The following FRY variants were observed in gnomAD, a reference collection of about 807,000 sequenced individuals.
The protein encoded by FRY is FRY microtubule binding protein.
A neutral mutation model predicts 348.4 loss-of-function variants in FRY; 128 were observed. The ratio of observed to expected loss-of-function variants is 0.37; its 90% CI spans 0.32 to 0.43. FRY has a LOEUF of 0.43. Ranked by LOEUF, FRY falls within the 20% of genes least tolerant of loss-of-function variation. FRY has a pLI of 1.00. For synonymous variants in FRY, 1,370 were observed against 1,374.7 expected (o/e 1.00, Z 0.08); for missense variants, 2,736 against 3,695.2 (o/e 0.74, Z 6.73).
At chr13:32,262,528 A>G in intron 53 of FRY, 53 bp downstream of exon 53, 1 of 1,387,044 alleles carries the variant, frequency 7.2e-7, no homozygotes, top group Non-Finnish European at 1.0e-6. Context: ...CCCTTAAAAA[A>G]AAACACTTCC....
intron 1 of FRY, among the ~76,000 whole-genome samples, chr13:32,077,273 TATG>T (rs1448716690): frequency 6.6e-6 from 1 of 152,136 alleles, no homozygotes; most frequent in Non-Finnish European, 1.5e-5. Flanking sequence ...AGAAAAGTGT[TATG>T]ATTAAAGCCA....
chr13:32,261,794 A>G lies in FRY; in HGVS notation c.7595A>G (p.Gln2532Arg), dbSNP rs754099757. ...GAGGAGGAGGACCTCACAGCCAGCC[A>G]GATCCTGGAGCACTCAGACCTAGTA... Reference protein sequence around the residue: ...SSEEEDLTASQILEHSDLIMT... With the variant: ...SSEEEDLTASRILEHSDLIMT... Residue 2532 changes from glutamine to arginine, a missense_variant, in exon 52 of 61, where the codon CAG becomes CGG. Around this residue, in one of 9 missense-constraint regions of FRY, gnomAD observed 789 missense variants for 996.2 expected, o/e 0.79. Coordinates refer to ENST00000542859, the MANE Select transcript of FRY (RefSeq NM_023037.3). The G allele has an allele frequency of 1.9e-6, 3 of 1,614,092 alleles. No individual in the cohort carries two copies. In the African/African-American group the frequency reaches 4.0e-5, roughly 22 times the overall value.
intron 1 of FRY, among the ~76,000 whole-genome samples, chr13:32,053,454 C>A (rs1448079993): frequency 6.6e-6 from 1 of 152,184 alleles, no homozygotes; most frequent in Admixed American, 6.5e-5. Context: ...TATTAAAATG[C>A]TGCAGGACAA....
chr13:32,205,570 A>G (rs1884306505), intron 31 of FRY, among the ~76,000 whole-genome samples: 1 of 152,184 alleles, frequency 6.6e-6, no homozygotes, highest in Admixed American at 6.5e-5. Context: ...GGGCAGATGC[A>G]GAGGCCAAAA....
At chr13:32,198,227 G>T (rs911586735) in intron 29 of FRY, among the ~76,000 whole-genome samples, 2 of 152,118 alleles carry the variant, frequency 1.3e-5, no homozygotes, top group African/African-American at 4.8e-5. Context: ...GGGAGGCTTT[G>T]TCTGCCCCTT....
At chr13:32,241,762 T>C (rs1403754135) in intron 46 of FRY, among the ~76,000 whole-genome samples, 2 of 152,236 alleles carry the variant, frequency 1.3e-5, no homozygotes, top group Non-Finnish European at 2.9e-5. Context: ...TTTTATGTTA[T>C]GTGTTTTTTA....
In FRY at chr13:32,201,835, AT is replaced by A. The variant is rs1359618647; in HGVS notation, c.3747-105del. The stretch of plus-strand genomic sequence containing the variant: ...CCAGACGGGGGTAAGAATGTCACTA[AT>A]AAGTGACCGAGGTCAGCATGCCAGC... On this transcript the variant is annotated intron_variant, in intron 29 of 60. Coordinates refer to ENST00000542859, the MANE Select transcript of FRY (RefSeq NM_023037.3). 6.6e-6 allele frequency: 5 copies of A among 758,134 alleles called. No homozygotes were observed. In the African/African-American group the frequency reaches 8.6e-5, roughly 13 times the overall value. 47.0% of individuals were successfully genotyped at this position (758,134 alleles called of 1,614,324 possible). A position where few individuals can be genotyped will look rare whatever the true frequency, so the allele number is the denominator to read the frequency against.
intron 23 of FRY, among the ~76,000 whole-genome samples, chr13:32,182,645 T>A (rs1186851784): frequency 3.3e-5 from 5 of 152,246 alleles, no homozygotes; most frequent in African/African-American, 1.2e-4. Context: ...ATTGTTTGTT[T>A]AATTGTTCAC....
At chr13:32,087,511 C>G (rs965042977) in intron 2 of FRY, among the ~76,000 whole-genome samples, 8 of 152,190 alleles carry the variant, frequency 5.3e-5, no homozygotes, top group African/African-American at 1.9e-4. Context: ...TGGTTCTAGT[C>G]ATTTTGATGA....
intron 57 of FRY, among the ~76,000 whole-genome samples, chr13:32,277,191 G>C (rs1888575432): frequency 6.6e-6 from 1 of 152,118 alleles, no homozygotes; most frequent in Non-Finnish European, 1.5e-5. Context: ...AGTATGCCAG[G>C]TACTATAGAA....
intron 17 of FRY, among the ~76,000 whole-genome samples, chr13:32,169,423 G>T (rs1315204946): frequency 2.0e-5 from 3 of 152,174 alleles, no homozygotes; most frequent in African/African-American, 7.2e-5. Context: ...ATCATTCAGT[G>T]ACCCTCACGA....
intron 8 of FRY, among the ~76,000 whole-genome samples, chr13:32,133,489 G>C (rs1180327755): frequency 6.6e-6 from 1 of 152,104 alleles, no homozygotes; most frequent in Admixed American, 6.6e-5. Context: ...AGACTTGAGA[G>C]AGTATTACAT....
At chr13:32,038,512 C>T (rs773997182) in intron 1 of FRY, 5 of 152,198 alleles carry the variant, frequency 3.3e-5, no homozygotes, top group Non-Finnish European at 7.3e-5. Context: ...CCTGGAAACG[C>T]GAATGGCATT....
At chr13:32,267,897 C>T (rs1367968723) in intron 55 of FRY, among the ~76,000 whole-genome samples, 2 of 152,150 alleles carry the variant, frequency 1.3e-5, no homozygotes, top group African/African-American at 2.4e-5. Context: ...GGGAACATGC[C>T]GCCTACTTGG....
chr13:32,086,489 G>T (rs1265110595), intron 2 of FRY, among the ~76,000 whole-genome samples: 1 of 152,042 alleles, frequency 6.6e-6, no homozygotes, highest in Non-Finnish European at 1.5e-5. Context: ...TAAATCCCTG[G>T]GTTTAAACTC....
intron 55 of FRY, among the ~76,000 whole-genome samples, chr13:32,272,643 G>A (rs562727137): frequency 1.6e-4 from 24 of 152,180 alleles, no homozygotes; most frequent in Admixed American, 7.9e-4. Context: ...GAGTGACAGA[G>A]CAAGACCCCA....
chr13:32,234,863 C>A, intron 42 of FRY, 102 bp downstream of exon 42: 1 of 924,450 alleles, frequency 1.1e-6, no homozygotes, highest in Non-Finnish European at 1.8e-6. Flanking sequence ...ATTATTCCAG[C>A]CATCTGGACA....
In FRY at chr13:32,155,313, A is replaced by T. The variant is rs567558628; in HGVS notation, c.1480-178A>T. ...GTTGTTTTCTTATAATGCAACAAGA[A>T]AAAACAGTGACAGAAACTTAATTTT... On this transcript the variant is annotated intron_variant, in intron 14 of 60. Transcript: ENST00000542859. 7.9e-5 allele frequency among the ~76,000 whole-genome samples: 12 copies of T among 152,356 alleles called. No individual in the cohort carries two copies. In the East Asian group the frequency reaches 1.3e-3, roughly 17 times the overall value.
intron 17 of FRY, among the ~76,000 whole-genome samples, chr13:32,164,630 T>C (rs1593686203): frequency 6.6e-6 from 1 of 152,324 alleles, no homozygotes; most frequent in Non-Finnish European, 1.5e-5. Flanking sequence ...TATGGCCAAG[T>C]GTGAGAACCT....
Sources: allele counts gnomAD v4.1 joint callset (sites outside exome capture counted in the v4.1 genomes callset), GRCh38; gene constraint gnomAD v4.1.1; regional missense constraint gnomAD v4.1.1; transcripts MANE v1.5; gene names NCBI Gene and HGNC (gene_info 2026-07-23, HGNC 2026-07-21).